The following KAZN variants were observed in gnomAD, a reference collection of about 807,000 sequenced individuals.
The protein encoded by KAZN is kazrin.
In KAZN, 40 loss-of-function variants were observed where a neutral mutation model predicts 87.4. That is an observed-to-expected ratio of 0.46 (90% CI 0.36 to 0.60). The LOEUF is 0.60. Ranked by LOEUF, KAZN falls within the 20% of genes least tolerant of loss-of-function variation. The pLI, the probability that KAZN is intolerant of heterozygous loss-of-function variation, is 0.00. For synonymous variants in KAZN, 466 were observed against 458.3 expected (o/e 1.02, Z -0.22); for missense variants, 898 against 1,073.9 (o/e 0.84, Z 2.29).
In KAZN at chr1:14,578,517, G is replaced by A. The variant is rs1252630361; in HGVS notation, c.250-20466G>A. The stretch of plus-strand genomic sequence containing the variant: ...TACATAAACCCTTGTGATCGCAAAG[G>A]TCATCTAGTTGAGAGTCTACTAATG... On this transcript the variant is annotated intron_variant, in intron 2 of 16. Coordinates refer to the KAZN transcript ENST00000636203. Among the ~76,000 whole-genome samples the A allele has an allele frequency of 2.0e-5, 3 of 152,106 alleles. No homozygotes were observed. The East Asian group carries it at 5.8e-4, about 29-fold the overall frequency.
At chr1:14,589,030 G>C (rs563579849) in intron 2 of KAZN, among the ~76,000 whole-genome samples, 25 of 152,218 alleles carry the variant, frequency 1.6e-4, no homozygotes, top group Admixed American at 1.4e-3. Flanking sequence ...GGGCAAACTT[G>C]AGCCCCTCCC....
rs145584819 is a variant in KAZN, at chr1:15,081,928, T to A, written c.1223-12252T>A. ...AGGTCCCTGGGAAGATACCATTTTT[T>A]AAAAAAATTTCCTCTGGGCTTGAAG... On this transcript the variant is annotated intron_variant, in intron 8 of 14. Coordinates refer to ENST00000376030, the MANE Select transcript of KAZN (RefSeq NM_201628.3). The surrounding 1 kb of genome is among the most constrained non-coding windows in gnomAD (Gnocchi z 4.1). 5.9e-4 allele frequency among the ~76,000 whole-genome samples: 89 copies of A among 152,124 alleles called. 1 individual carries two copies. The South Asian group carries it at 0.016, about 27-fold the overall frequency.
chr1:14,427,443 A>G (rs1349101097), intron 2 of KAZN, among the ~76,000 whole-genome samples: 1 of 152,198 alleles, frequency 6.6e-6, no homozygotes, highest in Non-Finnish European at 1.5e-5. Flanking sequence ...TTTTTTGTAG[A>G]AGTTATCCTA....
intron 2 of KAZN, among the ~76,000 whole-genome samples, chr1:14,332,619 G>C (rs1656931209): frequency 2.0e-5 from 3 of 152,064 alleles, no homozygotes; most frequent in South Asian, 2.1e-4. Flanking sequence ...ATGTTCAGTA[G>C]TAGCACCTTA....
intron 2 of KAZN, among the ~76,000 whole-genome samples, chr1:14,998,109 A>G (rs1240257094): frequency 6.6e-6 from 1 of 151,340 alleles, no homozygotes; most frequent in Non-Finnish European, 1.5e-5. Context: ...TCTCCAGTGG[A>G]TGGGAACTGC....
chr1:14,768,082 G>T (rs1379612726), intron 1 of KAZN, among the ~76,000 whole-genome samples: 1 of 152,158 alleles, frequency 6.6e-6, no homozygotes, highest in African/African-American at 2.4e-5. Context: ...TTAATGACCA[G>T]AAAGCAACAA....
At chr1:14,959,556 C>T (rs1663586747) in intron 1 of KAZN, among the ~76,000 whole-genome samples, 1 of 152,186 alleles carries the variant, frequency 6.6e-6, no homozygotes, top group Non-Finnish European at 1.5e-5. Context: ...GCCCGGTGAC[C>T]AGCATGCGGC....
chr1:14,605,807 G>A (rs367919901), intron 1 of KAZN, among the ~76,000 whole-genome samples: 11 of 152,208 alleles, frequency 7.2e-5, no homozygotes, highest in East Asian at 1.9e-4. Flanking sequence ...TGTAATGCCC[G>A]TTTTTCAAAA....
chr1:14,220,494 T>C (rs1471736887), intron 2 of KAZN, among the ~76,000 whole-genome samples: 2 of 152,198 alleles, frequency 1.3e-5, no homozygotes, highest in Non-Finnish European at 2.9e-5. Context: ...GAACTTTTCC[T>C]GTGTGCAAGG....
intron 1 of KAZN, among the ~76,000 whole-genome samples, chr1:14,693,546 G>A (rs144660007): frequency 1.1e-4 from 17 of 152,304 alleles, no homozygotes; most frequent in African/African-American, 3.8e-4. Context: ...TGCCTGAAAC[G>A]GCGGTCTAAC....
intron 2 of KAZN, among the ~76,000 whole-genome samples, chr1:14,561,245 T>C (rs1674235778): frequency 6.6e-6 from 1 of 151,952 alleles, no homozygotes; most frequent in South Asian, 2.1e-4. Flanking sequence ...ATTTTAAAAC[T>C]CCCAAAGAAA....
chr1:14,848,763 G>A (rs1649081155), intron 1 of KAZN, among the ~76,000 whole-genome samples: 1 of 152,196 alleles, frequency 6.6e-6, no homozygotes. Context: ...ATCTCGCCAG[G>A]CTGGCACTTC....
intron 2 of KAZN, among the ~76,000 whole-genome samples, chr1:14,266,630 A>AC (rs1651493382): frequency 6.6e-6 from 1 of 152,224 alleles, no homozygotes; most frequent in South Asian, 2.1e-4. Flanking sequence ...TTCAGGGTCA[A>AC]TGGTAGTCAC....
chr1:14,065,799 G>A (rs1642984289), intron 1 of KAZN, among the ~76,000 whole-genome samples: 2 of 152,044 alleles, frequency 1.3e-5, no homozygotes, highest in Non-Finnish European at 2.9e-5. Flanking sequence ...AGGAGCTTTG[G>A]TTTCTTTCTT....
At position 14,514,375 on chromosome 1, in the gene KAZN, A is replaced by ATATATATTTATATATATATTT. The variant is rs1491445643; in HGVS notation, c.250-84608_250-84607insTATATATTTATATATATATTT. Among the ~76,000 whole-genome samples the ATATATATTTATATATATATTT allele has an allele frequency of 6.7e-3, 96 of 14,436 alleles. 8 individuals are homozygous for ATATATATTTATATATATATTT. Among genetic ancestry groups the ATATATATTTATATATATATTT allele is most frequent in the African/African-American group, 0.024 (91 of 3,772 alleles). 9.5% of individuals were successfully genotyped at this position (14,436 alleles called of 152,430 possible). ...ATATTATATATATATTTATATATAT[A>ATATATATTTATATATATATTT]ATATATATATATTATATATATTTAT... On this transcript the variant is annotated intron_variant, in intron 2 of 16. Coordinates refer to the KAZN transcript ENST00000636203.
intron 2 of KAZN, among the ~76,000 whole-genome samples, chr1:14,525,375 G>C (rs1016580350): frequency 1.3e-5 from 2 of 152,270 alleles, no homozygotes; most frequent in Non-Finnish European, 2.9e-5. Flanking sequence ...ACTGTGTGAG[G>C]CTTTTGAACC....
intron 1 of KAZN, among the ~76,000 whole-genome samples, chr1:13,994,690 A>G (rs561282954): frequency 5.3e-5 from 8 of 152,206 alleles, no homozygotes; most frequent in Middle Eastern, 3.4e-3. Context: ...AGCCTGACCT[A>G]TTTGGTGGGG....
Position 15,035,414 on chromosome 1 carries a change from C to T in KAZN, c.555+529C>T, listed in dbSNP as rs116381342. 8.7e-4 allele frequency among the ~76,000 whole-genome samples: 132 copies of T among 152,304 alleles called. 1 individual carries two copies. Among genetic ancestry groups the T allele is most frequent in the African/African-American group, 3.1e-3 (127 of 41,558 alleles). ...AGGGAGGGAGTCTTGGAAGGCTTCACAGAGGAAGTGACATATGCATTGGGC... is the reference window on the plus strand; with the variant it reads ...AGGGAGGGAGTCTTGGAAGGCTTCATAGAGGAAGTGACATATGCATTGGGC... On this transcript the variant is annotated intron_variant, in intron 3 of 14. Transcript: ENST00000376030.
chr1:14,021,340 G>A (rs1269292935), intron 1 of KAZN, among the ~76,000 whole-genome samples: 1 of 152,226 alleles, frequency 6.6e-6, no homozygotes, highest in Non-Finnish European at 1.5e-5. Context: ...TCACCTGGGA[G>A]TGGTCAGAAA....
Sources: gnomAD v4.1 joint callset for allele counts (sites outside exome capture counted in the v4.1 genomes callset) on GRCh38, gnomAD v4.1.1 for gene constraint, Gnocchi (gnomAD v3.1) non-coding constraint, MANE v1.5 for transcripts, NCBI Gene and HGNC (gene_info 2026-07-23, HGNC 2026-07-21) for gene names.